The following SPOCK1 variants were observed in gnomAD, a reference collection of about 807,000 sequenced individuals.
SPOCK1 encodes the protein testican-1.
SPOCK1 carries 23 observed loss-of-function variants against 55.3 expected under a neutral mutation model. That is an observed-to-expected ratio of 0.42 (90% CI 0.30 to 0.59). SPOCK1 has a LOEUF of 0.59. SPOCK1 is among the 20% of genes least tolerant of loss of function. SPOCK1 has a pLI of 0.22. For synonymous variants in SPOCK1, 226 were observed against 221.0 expected (o/e 1.02, Z -0.20); for missense variants, 499 against 552.5 (o/e 0.90, Z 0.97).
intron 4 of SPOCK1, among the ~76,000 whole-genome samples, chr5:137,125,030 A>G (rs1215788690): frequency 6.6e-6 from 1 of 152,218 alleles, no homozygotes; most frequent in Non-Finnish European, 1.5e-5. Flanking sequence ...GGTAGGTTCT[A>G]TGCAGCAAAC....
intron 6 of SPOCK1, among the ~76,000 whole-genome samples, chr5:137,006,865 T>C (rs1157201009): frequency 1.3e-5 from 2 of 152,168 alleles, no homozygotes; most frequent in East Asian, 1.9e-4. Flanking sequence ...TTTTGAGATA[T>C]GTTCCATCAA....
In SPOCK1 at chr5:136,978,281, C is replaced by T. The variant is rs1012251911; in HGVS notation, c.*373G>A. The T allele has an allele frequency of 9.8e-6, 3 of 304,974 alleles. No individual in the cohort carries two copies. Among genetic ancestry groups the T allele is most frequent in the Non-Finnish European group, 1.8e-5 (3 of 167,866 alleles). The allele number at this position is 304,974 out of a possible 1,614,324, so 18.9% of individuals were successfully genotyped here. A position where few individuals can be genotyped will look rare whatever the true frequency, so the allele number is the denominator to read the frequency against. On this transcript the variant is annotated 3_prime_UTR_variant, in exon 11 of 11. Transcript: ENST00000394945. ...GCTGGGAACCATGCTGTAATAACCA[C>T]CAGTGTGGGTAATCAAAAAGGGTCT... is the stretch of plus-strand genomic sequence containing the variant.
intron 6 of SPOCK1, among the ~76,000 whole-genome samples, chr5:137,017,561 G>A (rs914570967): frequency 6.6e-6 from 1 of 152,060 alleles, no homozygotes; most frequent in Non-Finnish European, 1.5e-5. Context: ...AATATATGAC[G>A]CTGAAAAGGT....
intron 2 of SPOCK1, among the ~76,000 whole-genome samples, chr5:137,434,361 G>T (rs1303094093): frequency 6.6e-6 from 1 of 151,808 alleles, no homozygotes; most frequent in Non-Finnish European, 1.5e-5. Flanking sequence ...GATAAATGGG[G>T]ACTCTCCTAC....
At chr5:137,084,714 C>A (rs1235852324) in intron 5 of SPOCK1, among the ~76,000 whole-genome samples, 1 of 151,444 alleles carries the variant, frequency 6.6e-6, no homozygotes, top group African/African-American at 2.4e-5. Context: ...TAAAAAAACC[C>A]AAAAAACAAA....
chr5:136,979,048 C>T (rs1196629427), intron 10 of SPOCK1, among the ~76,000 whole-genome samples: 2 of 152,150 alleles, frequency 1.3e-5, no homozygotes, highest in African/African-American at 2.4e-5. Context: ...TGAGATGCTC[C>T]TACCTTCCCA....
At position 137,314,923 on chromosome 5, in the gene SPOCK1, A is replaced by G. The variant is rs552480962; in HGVS notation, c.187-47868T>C. ...AGTGTTTAAAACTGTCTGTCCACCT[A>G]CATGCACCAGCTCAGTCTCAATACC... On this transcript the variant is annotated intron_variant, in intron 2 of 10. Transcript: ENST00000394945. Among the ~76,000 whole-genome samples the G allele has an allele frequency of 1.3e-3, 202 of 152,294 alleles. 1 individual carries two copies. The highest frequency in any genetic ancestry group is 4.6e-3 in the African/African-American group (193 of 41,556).
chr5:137,393,240 C>T (rs1270352116), intron 2 of SPOCK1, among the ~76,000 whole-genome samples: 2 of 152,110 alleles, frequency 1.3e-5, no homozygotes, highest in African/African-American at 4.8e-5. Flanking sequence ...AGGGCTTACA[C>T]TCTGCCATTG....
At chr5:137,369,938 G>A (rs942863427) in intron 2 of SPOCK1, among the ~76,000 whole-genome samples, 1 of 152,120 alleles carries the variant, frequency 6.6e-6, no homozygotes, top group Non-Finnish European at 1.5e-5. Flanking sequence ...CTTCAACAAA[G>A]GAACTTCGGA....
intron 3 of SPOCK1, among the ~76,000 whole-genome samples, chr5:137,158,957 C>G (rs942228128): frequency 2.0e-5 from 3 of 152,164 alleles, no homozygotes; most frequent in African/African-American, 7.2e-5. Flanking sequence ...GCTCCAGTAA[C>G]AGGAAGAGAC....
At chr5:137,357,552 G>A (rs1750845098) in intron 2 of SPOCK1, among the ~76,000 whole-genome samples, 1 of 152,176 alleles carries the variant, frequency 6.6e-6, no homozygotes, top group Non-Finnish European at 1.5e-5. Flanking sequence ...AGAAAGAGAT[G>A]CCTGACTGGG....
intron 2 of SPOCK1, among the ~76,000 whole-genome samples, chr5:137,420,256 T>C (rs1430207653): frequency 1.3e-5 from 2 of 152,220 alleles, no homozygotes; most frequent in Admixed American, 6.5e-5. Context: ...TCTAAAATTC[T>C]CTTTTTTTGT....
intron 2 of SPOCK1, among the ~76,000 whole-genome samples, chr5:137,411,105 A>G (rs140739139): frequency 1.1e-4 from 16 of 152,272 alleles, no homozygotes; most frequent in African/African-American, 3.1e-4. Flanking sequence ...CTGGGCCCCA[A>G]TGAAAATACA....
At chr5:137,063,762 C>T (rs1387057309) in intron 6 of SPOCK1, among the ~76,000 whole-genome samples, 2 of 152,234 alleles carry the variant, frequency 1.3e-5, no homozygotes, top group Non-Finnish European at 2.9e-5. Context: ...GTAAAGAGGA[C>T]CTGTGTTTGG....
rs182295888 is a variant in SPOCK1, at chr5:137,129,723, T to C, written c.347+10857A>G. Among the ~76,000 whole-genome samples, 30 of 152,302 alleles carry C rather than the reference T, an allele frequency of 2.0e-4. 1 individual carries two copies. The Middle Eastern group carries it at 0.02, about 104-fold the overall frequency. On this transcript the variant is annotated intron_variant, in intron 4 of 10. Coordinates refer to ENST00000394945, the MANE Select transcript of SPOCK1 (RefSeq NM_004598.4). Reference sequence around the variant, plus strand: ...TCAATCTTAGGTTCTACAATAGTGATGTTATCTATAGGAGCAATAGATAGA... The same window carrying C: ...TCAATCTTAGGTTCTACAATAGTGACGTTATCTATAGGAGCAATAGATAGA...
chr5:137,418,455 C>T (rs1339507340), intron 2 of SPOCK1, among the ~76,000 whole-genome samples: 1 of 151,970 alleles, frequency 6.6e-6, no homozygotes, highest in Non-Finnish European at 1.5e-5. Flanking sequence ...TCCACATCCT[C>T]TCCAGCACCT....
intron 3 of SPOCK1, among the ~76,000 whole-genome samples, chr5:137,211,019 G>A (rs1312457376): frequency 6.6e-6 from 1 of 152,228 alleles, no homozygotes; most frequent in East Asian, 1.9e-4. Flanking sequence ...CAGCAGCAGA[G>A]AGACAAGCTG....
chr5:137,180,964 C>T (rs1470937525), intron 3 of SPOCK1, among the ~76,000 whole-genome samples: 1 of 152,106 alleles, frequency 6.6e-6, no homozygotes, highest in East Asian at 1.9e-4. Context: ...TCATGAGCTG[C>T]CTGTGAGGTT....
intron 2 of SPOCK1, among the ~76,000 whole-genome samples, chr5:137,322,216 C>T (rs1757992155): frequency 6.6e-6 from 1 of 151,732 alleles, no homozygotes; most frequent in Admixed American, 6.6e-5. Flanking sequence ...ACCTGTAGTC[C>T]CAGCTACTCA....
Sources: gnomAD v4.1 joint callset for allele counts (sites outside exome capture counted in the v4.1 genomes callset) on GRCh38, gnomAD v4.1.1 for gene constraint, MANE v1.5 for transcripts, NCBI Gene and HGNC (gene_info 2026-07-23, HGNC 2026-07-21) for gene names.